TENM3: variants seen among roughly 807,000 people sequenced by gnomAD.
TENM3 encodes teneurin-3.
TENM3 carries 63 observed loss-of-function variants against 255.1 expected under a neutral mutation model. The ratio of observed to expected loss-of-function variants is 0.25; its 90% CI spans 0.20 to 0.30. The LOEUF (loss-of-function observed/expected upper bound fraction) is 0.30, where lower values mean the gene tolerates loss of function less well. Ranked by LOEUF, TENM3 falls within the 10% of genes least tolerant of loss-of-function variation. The pLI is 1.00. For synonymous variants in TENM3, 1,306 were observed against 1,322.3 expected, an observed-to-expected ratio of 0.99 and a Z score of 0.27; for missense variants, 2,929 against 3,461.1, an observed-to-expected ratio of 0.85 and a Z score of 3.86.
chr4:182,158,843 G>C (rs1750897913), intron 1 of TENM3, among the ~76,000 whole-genome samples: 1 of 152,130 alleles, frequency 6.6e-6, no homozygotes, highest in South Asian at 2.1e-4. Flanking sequence ...CCTGAATACC[G>C]ATACTAAATT....
At chr4:181,595,444 A>AAAAAAAAC in the TENM3 span, among the ~76,000 whole-genome samples, 7,704 of 129,506 alleles carry the variant, frequency 0.059, 884 homozygotes, top group African/African-American at 0.21. Flanking sequence ...AAAAAAAAAA[A>AAAAAAAAC]AAAAAAAAAA....
At chr4:182,091,707 A>C in the TENM3 span, among the ~76,000 whole-genome samples, 3 of 152,168 alleles carry the variant, frequency 2.0e-5, no homozygotes, top group African/African-American at 7.2e-5. Context: ...TGCTAACAGG[A>C]TCTAGAAATA....
intron 3 of TENM3, among the ~76,000 whole-genome samples, chr4:182,482,464 C>T (rs1441501805): frequency 1.3e-5 from 2 of 151,988 alleles, no homozygotes; most frequent in Admixed American, 6.6e-5. Context: ...AAAAAAATTA[C>T]CCTTCAGTGT....
chr4:182,087,165 C>T, the TENM3 span, among the ~76,000 whole-genome samples: 1 of 152,108 alleles, frequency 6.6e-6, no homozygotes, highest in Non-Finnish European at 1.5e-5. Flanking sequence ...CTTGTCGGAG[C>T]TCCCGGGCTA....
chr4:182,095,380 C>T, the TENM3 span, among the ~76,000 whole-genome samples: 1 of 152,210 alleles, frequency 6.6e-6, no homozygotes, highest in African/African-American at 2.4e-5. Flanking sequence ...GAATGAAATC[C>T]TGTCATTTGC....
chr4:181,951,095 C>G, the TENM3 span, among the ~76,000 whole-genome samples: 7 of 152,158 alleles, frequency 4.6e-5, no homozygotes, highest in African/African-American at 9.7e-5. Flanking sequence ...AGCCATAGAT[C>G]AGCTTTAAAA....
chr4:182,710,847 G>A (rs569016307), intron 12 of TENM3, among the ~76,000 whole-genome samples: 1 of 152,204 alleles, frequency 6.6e-6, no homozygotes, highest in African/African-American at 2.4e-5. Context: ...ATTTCCAGGG[G>A]AAAGGCATAG....
chr4:181,865,683 T>G, the TENM3 span, among the ~76,000 whole-genome samples: 1 of 152,310 alleles, frequency 6.6e-6, no homozygotes, highest in African/African-American at 2.4e-5. Context: ...AACCGTTTTT[T>G]TCCACTCTGT....
chr4:182,056,181 C>T, the TENM3 span, among the ~76,000 whole-genome samples: 3 of 152,080 alleles, frequency 2.0e-5, no homozygotes, highest in Admixed American at 2.0e-4. Flanking sequence ...AATTTATAAG[C>T]TCTGCATGCT....
chr4:181,681,148 A>G, the TENM3 span, among the ~76,000 whole-genome samples: 2,966 of 152,098 alleles, frequency 0.02, 112 homozygotes, highest in African/African-American at 0.069. Context: ...AAAATTTCCA[A>G]GTCAAACAGA....
At chr4:182,309,203 A>ATGCCATGTTGACGGAGACACC (rs1175582875) in intron 1 of TENM3, among the ~76,000 whole-genome samples, 3 of 152,324 alleles carry the variant, frequency 2.0e-5, no homozygotes, top group Admixed American at 6.5e-5. Context: ...CCACTGACAG[A>ATGCCATGTTGACGGAGACACC]TGCCATGTTG....
At chr4:181,984,812 GTGT>G in the TENM3 span, among the ~76,000 whole-genome samples, 1 of 151,270 alleles carries the variant, frequency 6.6e-6, no homozygotes. Flanking sequence ...GTGTGTGTGT[GTGT>G]GTGTGTGTGT....
At position 182,163,800 on chromosome 4, in the gene TENM3, C is replaced by G. The variant is rs137975522; in HGVS notation, c.-76+19046C>G. 8.5e-4 allele frequency among the ~76,000 whole-genome samples: 129 copies of G among 152,256 alleles called. 1 individual carries two copies. In the South Asian group the frequency reaches 9.3e-3, roughly 11 times the overall value. On this transcript the variant is annotated intron_variant, in intron 1 of 2. Transcript: ENST00000512480. ...GAGCTTGATTTCCTTTGCTCTGTGA[C>G]ATCTCAGCAACTGCCTCTCTACTTT... is the stretch of plus-strand genomic sequence containing the variant.
the TENM3 span, among the ~76,000 whole-genome samples, chr4:182,131,744 A>G: frequency 1.3e-5 from 2 of 152,218 alleles, no homozygotes; most frequent in Non-Finnish European, 2.9e-5. Context: ...ATCTACTGCT[A>G]TTCAGAACAA....
intron 3 of TENM3, among the ~76,000 whole-genome samples, chr4:182,534,969 T>G (rs773252659): frequency 2.0e-5 from 3 of 152,210 alleles, no homozygotes; most frequent in Non-Finnish European, 2.9e-5. Context: ...AGCTGAAACT[T>G]GGTGGATGGT....
the TENM3 span, among the ~76,000 whole-genome samples, chr4:181,750,823 T>A: frequency 6.6e-6 from 1 of 152,090 alleles, no homozygotes; most frequent in African/African-American, 2.4e-5. Context: ...AGAACTATGA[T>A]ATAAAAGAAT....
intron 3 of TENM3, among the ~76,000 whole-genome samples, chr4:182,510,205 TTAATC>T (rs1737250376): frequency 6.6e-6 from 1 of 152,198 alleles, no homozygotes; most frequent in African/African-American, 2.4e-5. Flanking sequence ...AATGGCCAGA[TTAATC>T]TAGTTTACAT....
intron 1 of TENM3, among the ~76,000 whole-genome samples, chr4:182,146,993 G>A (rs533523118): frequency 3.3e-5 from 5 of 152,250 alleles, no homozygotes; most frequent in African/African-American, 9.6e-5. Flanking sequence ...TTATTAGGGT[G>A]AAGACAAAGA....
At chr4:182,542,923 AAC>A (rs1435245101) in intron 3 of TENM3, among the ~76,000 whole-genome samples, 1 of 152,240 alleles carries the variant, frequency 6.6e-6, no homozygotes, top group East Asian at 1.9e-4. Context: ...AGATGTGAAG[AAC>A]ACACGGGTTA....
Sources: gnomAD v4.1 joint callset for allele counts (sites outside exome capture counted in the v4.1 genomes callset) on GRCh38, gnomAD v4.1.1 for gene constraint, MANE v1.5 for transcripts, NCBI Gene and HGNC (gene_info 2026-07-23, HGNC 2026-07-21) for gene names.